HDAC4: variants seen among roughly 807,000 people sequenced by gnomAD.
HDAC4 encodes the protein histone deacetylase 4.
Under a neutral mutation model 135.1 loss-of-function variants are expected in HDAC4, and 16 were observed. The observed-to-expected ratio is 0.12, with a 90% confidence interval of 0.08 to 0.18. HDAC4 has a LOEUF of 0.18. Ranked by LOEUF, HDAC4 falls within the 10% of genes least tolerant of loss-of-function variation. HDAC4 has a pLI of 1.00. For synonymous variants in HDAC4, 685 were observed against 653.4 expected (o/e 1.05, Z -0.74); for missense variants, 1,143 against 1,511.8 (o/e 0.76, Z 4.05).
chr2:239,144,640 G>C lies in HDAC4; in HGVS notation c.808C>G (p.Arg270Gly). 1 of 1,614,174 alleles carries C rather than the reference G, an allele frequency of 6.2e-7. No homozygotes were observed. Among genetic ancestry groups the C allele is most frequent in the Non-Finnish European group, 8.5e-7 (1 of 1,180,016 alleles). ...GTGACCACTGGCCCGTCTTTCCTGC[G>C]TAACAGGGGGCTGCTCCGTCTTTCG... ...VAERRSSPLL[R>G]RKDGPVVTAL... The change falls in exon 8 of 27, where the codon CGC becomes GGC. Residue 270 changes from arginine to glycine, a missense_variant. By Grantham distance (125) the Arg-to-Gly change is moderately radical. Coordinates refer to ENST00000543185, the MANE Select transcript of HDAC4 (RefSeq NM_001378414.1).
At chr2:239,347,932 C>G (rs1176264881) in intron 2 of HDAC4, among the ~76,000 whole-genome samples, 1 of 151,632 alleles carries the variant, frequency 6.6e-6, no homozygotes, top group Non-Finnish European at 1.5e-5. Context: ...AGAGCATCAT[C>G]CCGGTGACCA....
intron 2 of HDAC4, among the ~76,000 whole-genome samples, chr2:239,260,223 C>T (rs978912143): frequency 1.3e-4 from 20 of 152,238 alleles, no homozygotes; most frequent in South Asian, 6.2e-4. Context: ...CTTGCACACA[C>T]GCACACACAC....
chr2:239,291,782 G>A (rs544551231), intron 2 of HDAC4, among the ~76,000 whole-genome samples: 1 of 152,296 alleles, frequency 6.6e-6, no homozygotes, highest in East Asian at 1.9e-4. Context: ...ATATCATAAA[G>A]AAGATTTCCA....
intron 2 of HDAC4, among the ~76,000 whole-genome samples, chr2:239,244,112 T>G (rs2048341586): frequency 6.6e-6 from 1 of 152,170 alleles, no homozygotes; most frequent in African/African-American, 2.4e-5. Flanking sequence ...AGGGCTGACG[T>G]CAGACCAGAG....
intron 17 of HDAC4, among the ~76,000 whole-genome samples, chr2:239,093,218 C>A (rs2036687470): frequency 1.3e-5 from 2 of 152,202 alleles, no homozygotes; most frequent in Non-Finnish European, 2.9e-5. Context: ...TTTCCCAGCG[C>A]CGAGGAGTGG....
chr2:239,224,459 T>C (rs562030135), intron 3 of HDAC4, among the ~76,000 whole-genome samples: 1 of 152,358 alleles, frequency 6.6e-6, no homozygotes, highest in Admixed American at 6.5e-5. Context: ...CGGCCTTTTA[T>C]GTCTCCCGCA....
intron 2 of HDAC4, among the ~76,000 whole-genome samples, chr2:239,301,134 C>T (rs1012978272): frequency 1.1e-4 from 17 of 152,344 alleles, no homozygotes; most frequent in Middle Eastern, 6.8e-3. Flanking sequence ...ATAGCCAGCA[C>T]CCCTCATGCC....
intron 2 of HDAC4, among the ~76,000 whole-genome samples, chr2:239,302,401 A>C (rs2052318855): frequency 6.6e-6 from 1 of 152,256 alleles, no homozygotes; most frequent in Non-Finnish European, 1.5e-5. Flanking sequence ...CCAAGCTATA[A>C]AACACGAGCA....
intron 12 of HDAC4, among the ~76,000 whole-genome samples, chr2:239,124,363 GT>G (rs2039951021): frequency 1.3e-5 from 2 of 152,248 alleles, no homozygotes; most frequent in African/African-American, 2.4e-5. Flanking sequence ...CTGTGAGTCT[GT>G]CTGTTGGGGA....
intron 5 of HDAC4, among the ~76,000 whole-genome samples, chr2:239,174,894 T>C (rs1203727953): frequency 6.6e-6 from 1 of 152,206 alleles, no homozygotes. Context: ...AAATCCTACA[T>C]ATTAAGGGTT....
At chr2:239,377,780 G>C (rs912653574) in intron 1 of HDAC4, among the ~76,000 whole-genome samples, 1 of 152,086 alleles carries the variant, frequency 6.6e-6, no homozygotes, top group South Asian at 2.1e-4. Flanking sequence ...GATGCAAGAC[G>C]GACATCTCAG....
chr2:239,284,527 C>T lies in HDAC4; in HGVS notation c.23-47863G>A, dbSNP rs558687771. On this transcript the variant is annotated intron_variant, in intron 2 of 26. Coordinates refer to ENST00000543185, the MANE Select transcript of HDAC4 (RefSeq NM_001378414.1). ...TGACCCTGAGAGCAGCTTCCACACACGCCAGGTGACATGCATGAAAGCCCA... is the reference window on the plus strand; with the variant it reads ...TGACCCTGAGAGCAGCTTCCACACATGCCAGGTGACATGCATGAAAGCCCA... Among the ~76,000 whole-genome samples the T allele has an allele frequency of 2.6e-4, 40 of 152,316 alleles. No homozygotes were observed. The South Asian group carries it at 7.9e-3, about 30-fold the overall frequency.
chr2:239,101,669 T>TCAGGGTGGCTGGGAGG, intron 16 of HDAC4, among the ~76,000 whole-genome samples: 1 of 152,162 alleles, frequency 6.6e-6, no homozygotes. Flanking sequence ...CTGTCCTGGT[T>TCAGGGTGGCTGGGAGG]CAGGGTGGCT....
intron 2 of HDAC4, among the ~76,000 whole-genome samples, chr2:239,237,839 A>G (rs564608714): frequency 2.6e-4 from 40 of 152,184 alleles, no homozygotes; most frequent in Non-Finnish European, 5.3e-4. Context: ...GACAACAACA[A>G]AAAACCACGG....
Position 239,139,762 on chromosome 2 carries a change from G to A in HDAC4, c.900C>T (p.Pro300=). 1 of 1,614,136 alleles carries A rather than the reference G, an allele frequency of 6.2e-7. No individual in the cohort carries two copies. Among genetic ancestry groups the A allele is most frequent in the Non-Finnish European group, 8.5e-7 (1 of 1,180,000 alleles). The part of the protein sequence containing the change: ...SACSSAPGSG[P]SSPNNSSGSV... ...TCCCGGAGCTGTTGTTGGGTGAGCT[G>A]GGTCCGGAGCCTGGGGCGCTGCTGC... is the stretch of plus-strand genomic sequence containing the variant. Residue 300 remains proline (P), a synonymous_variant, in exon 9 of 27, where the codon CCC becomes CCT. Coordinates refer to ENST00000543185, the MANE Select transcript of HDAC4 (RefSeq NM_001378414.1). The surrounding 1 kb of genome is among the most constrained non-coding windows in gnomAD (Gnocchi z 5.3).
intron 7 of HDAC4, among the ~76,000 whole-genome samples, chr2:239,151,560 G>C (rs1180161623): frequency 6.6e-6 from 1 of 152,218 alleles, no homozygotes; most frequent in Non-Finnish European, 1.5e-5. Context: ...CCTGACCATG[G>C]AGGCAAGTGC....
chr2:239,368,251 G>A (rs967600302), intron 1 of HDAC4, among the ~76,000 whole-genome samples: 2 of 152,034 alleles, frequency 1.3e-5, no homozygotes, highest in South Asian at 2.1e-4. Flanking sequence ...CTCTTCCTTC[G>A]GAGACACAGG....
At chr2:239,083,832 C>T (rs2035591848) in intron 20 of HDAC4, among the ~76,000 whole-genome samples, 1 of 152,232 alleles carries the variant, frequency 6.6e-6, no homozygotes, top group African/African-American at 2.4e-5. Context: ...CCAGGCCACA[C>T]ACGCAAAGTA....
At chr2:239,283,736 C>T (rs186228042) in intron 2 of HDAC4, among the ~76,000 whole-genome samples, 3 of 152,334 alleles carry the variant, frequency 2.0e-5, no homozygotes, top group East Asian at 3.9e-4. Flanking sequence ...CCGGCCACCA[C>T]GGGCGGTCAT....
Sources: allele counts gnomAD v4.1 joint callset (sites outside exome capture counted in the v4.1 genomes callset), GRCh38; gene constraint gnomAD v4.1.1; non-coding constraint Gnocchi (gnomAD v3.1); transcripts MANE v1.5; gene names NCBI Gene and HGNC (gene_info 2026-07-23, HGNC 2026-07-21).